Variants in PPM1H observed in about 807,000 individuals in gnomAD.
PPM1H encodes the protein protein phosphatase 1H.
In PPM1H, 27 loss-of-function variants were observed where a neutral mutation model predicts 54.9. The observed-to-expected ratio is 0.49, with a 90% CI of 0.36 to 0.68. The LOEUF is 0.68. Among genes scored for constraint, PPM1H ranks in the 30% least tolerant of loss-of-function variants. The pLI, the probability that PPM1H is intolerant of heterozygous loss-of-function variation, is 0.00. For missense variants in PPM1H, 596 were observed against 667.8 expected (o/e 0.89, Z 1.19); for synonymous variants, 305 against 270.8 (o/e 1.13, Z -1.24).
chr12:62,737,431 G>A (rs889412114), intron 5 of PPM1H, 71 bp downstream of exon 5: 34 of 1,047,452 alleles, frequency 3.2e-5, no homozygotes, highest in Non-Finnish European at 4.3e-5. Context: ...CAGTAGCAAC[G>A]TGTTCCTCCA....
chr12:62,676,362 C>A (rs1344622944), intron 8 of PPM1H, among the ~76,000 whole-genome samples: 6 of 152,288 alleles, frequency 3.9e-5, no homozygotes, highest in Non-Finnish European at 8.8e-5. Context: ...GGTGGCACAG[C>A]CAGTGTTGTG....
intron 4 of PPM1H, chr12:62,755,170 T>C (rs1165275501): frequency 5.4e-6 from 3 of 552,220 alleles, no homozygotes; most frequent in African/African-American, 1.9e-5. Context: ...GCTCCTCCCA[T>C]TTGACAGACA....
rs965332450 is a variant in PPM1H at position 62,780,444 on chromosome 12, G to A, written c.869+7782C>T. On this transcript the variant is annotated intron_variant, in intron 4 of 9. Transcript: ENST00000228705. ...GCCTCCTGAGTAGCTGGGACCACAGGCATGTGCCACCATGCCCAACTAATT... is the reference window on the plus strand; with the variant it reads ...GCCTCCTGAGTAGCTGGGACCACAGACATGTGCCACCATGCCCAACTAATT... Among the ~76,000 whole-genome samples, 49 of 152,176 alleles carry A rather than the reference G, an allele frequency of 3.2e-4. 1 individual carries two copies. Among genetic ancestry groups the A allele is most frequent in the Non-Finnish European group, 3.4e-4 (23 of 68,034 alleles).
chr12:62,843,640 A>AT (rs1237072973), intron 1 of PPM1H, among the ~76,000 whole-genome samples: 4 of 152,138 alleles, frequency 2.6e-5, no homozygotes, highest in Non-Finnish European at 4.4e-5. Flanking sequence ...ACTTCAATAT[A>AT]TTTTTTCCAA....
intron 6 of PPM1H, among the ~76,000 whole-genome samples, chr12:62,712,860 G>A (rs1441064860): frequency 7.9e-5 from 12 of 152,168 alleles, no homozygotes. Flanking sequence ...TCCTCAAGAG[G>A]ATAAAGCCTG....
intron 8 of PPM1H, among the ~76,000 whole-genome samples, chr12:62,685,634 T>A (rs1049130837): frequency 6.6e-6 from 1 of 152,178 alleles, no homozygotes; most frequent in Admixed American, 6.5e-5. Flanking sequence ...ATTTGTTGCA[T>A]GGAGATAGGG....
At chr12:62,831,399 A>G (rs950612161) in intron 2 of PPM1H, among the ~76,000 whole-genome samples, 4 of 152,224 alleles carry the variant, frequency 2.6e-5, no homozygotes, top group African/African-American at 9.6e-5. Context: ...TGAGGATATG[A>G]CTGCTTTATT....
intron 6 of PPM1H, among the ~76,000 whole-genome samples, chr12:62,717,155 T>G (rs2076239192): frequency 1.3e-5 from 2 of 152,202 alleles, no homozygotes. Context: ...GGTTTTCAAT[T>G]TCTTAGGTTC....
chr12:62,698,789 ATG>A (rs1365067499), intron 6 of PPM1H, among the ~76,000 whole-genome samples: 2 of 150,504 alleles, frequency 1.3e-5, no homozygotes, highest in African/African-American at 5.0e-5. Flanking sequence ...AGACCTGAGA[ATG>A]TTTTTTTTGG....
chr12:62,857,859 A>C (rs1204374985), intron 1 of PPM1H, among the ~76,000 whole-genome samples: 1 of 152,090 alleles, frequency 6.6e-6, no homozygotes, highest in Non-Finnish European at 1.5e-5. Flanking sequence ...TTGAAGGCAC[A>C]GTTAGTTTTC....
chr12:62,770,727 CA>C (rs1167918707), intron 4 of PPM1H, among the ~76,000 whole-genome samples: 2 of 152,104 alleles, frequency 1.3e-5, no homozygotes, highest in African/African-American at 4.8e-5. Context: ...AGCAGCAAAA[CA>C]GGAGTGAAAA....
chr12:62,826,586 A>G (rs1480907093), intron 2 of PPM1H, among the ~76,000 whole-genome samples: 1 of 152,206 alleles, frequency 6.6e-6, no homozygotes, highest in Non-Finnish European at 1.5e-5. Context: ...AAATTCCTAT[A>G]ATACTGTTTT....
At chr12:62,882,247 C>G (rs537872215) in intron 1 of PPM1H, among the ~76,000 whole-genome samples, 113 of 152,328 alleles carry the variant, frequency 7.4e-4, no homozygotes, top group Middle Eastern at 3.4e-3. Context: ...CTGCTAGAGT[C>G]TGGAGATTGT....
At chr12:62,884,163 G>A (rs1252698660) in intron 1 of PPM1H, among the ~76,000 whole-genome samples, 1 of 152,086 alleles carries the variant, frequency 6.6e-6, no homozygotes, top group East Asian at 1.9e-4. Flanking sequence ...TACAGATACT[G>A]AATTTGTACT....
rs148718803 is a variant in PPM1H, at chr12:62,684,706, A to G, written c.1245+4993T>C. Among the ~76,000 whole-genome samples, 45 of 152,292 alleles carry G rather than the reference A, an allele frequency of 3.0e-4. No homozygotes were observed. The East Asian group carries it at 8.5e-3, about 29-fold the overall frequency. ...GTGAAATAAAGATCCACGCCTGGCA[A>G]AGACAGAACATAGCAGGGGAATGTT... is the stretch of plus-strand genomic sequence containing the variant. On this transcript the variant is annotated intron_variant, in intron 8 of 9. Coordinates refer to ENST00000228705, the MANE Select transcript of PPM1H (RefSeq NM_020700.2).
chr12:62,786,662 T>C (rs80117563), intron 4 of PPM1H, among the ~76,000 whole-genome samples: 2,014 of 152,268 alleles, frequency 0.013, 40 homozygotes, highest in African/African-American at 0.045. Flanking sequence ...TCAACACTCC[T>C]GGCCGGTTCT....
chr12:62,887,916 C>T (rs544609835), intron 1 of PPM1H, among the ~76,000 whole-genome samples: 19 of 152,214 alleles, frequency 1.2e-4, no homozygotes, highest in African/African-American at 4.6e-4. Flanking sequence ...AGAAATGAAG[C>T]CAGGGTGACT....
chr12:62,916,065 T>C (rs1231927294), intron 1 of PPM1H, among the ~76,000 whole-genome samples: 1 of 152,194 alleles, frequency 6.6e-6, no homozygotes, highest in East Asian at 1.9e-4. Context: ...GATCAATGCC[T>C]TCATCACAGT....
chr12:62,853,654 T>C (rs1869275809), intron 1 of PPM1H, among the ~76,000 whole-genome samples: 1 of 152,168 alleles, frequency 6.6e-6, no homozygotes, highest in Non-Finnish European at 1.5e-5. Context: ...CTGCTAGTTC[T>C]GTAGGGAAAC....
Sources: allele counts gnomAD v4.1 joint callset (sites outside exome capture counted in the v4.1 genomes callset), GRCh38; gene constraint gnomAD v4.1.1; transcripts MANE v1.5; gene names NCBI Gene and HGNC (gene_info 2026-07-23, HGNC 2026-07-21).